The following DENND5A variants were observed in gnomAD, a reference collection of about 807,000 sequenced individuals.
DENND5A encodes the protein DENN domain containing 5A.
A neutral mutation model predicts 140.3 loss-of-function variants in DENND5A; 64 were observed. The observed-to-expected ratio is 0.46, with a 90% CI of 0.37 to 0.56. DENND5A has a LOEUF of 0.56. DENND5A is among the 20% of genes least tolerant of loss of function. The pLI, the probability that DENND5A is intolerant of heterozygous loss-of-function variation, is 0.00. For synonymous variants in DENND5A, 605 were observed against 607.7 expected (o/e 1.00, Z 0.07); for missense variants, 1,292 against 1,593.8 (o/e 0.81, Z 3.22).
At chr11:9,229,569 T>C (rs1269644772) in intron 1 of DENND5A, among the ~76,000 whole-genome samples, 1 of 151,952 alleles carries the variant, frequency 6.6e-6, no homozygotes, top group Non-Finnish European at 1.5e-5. Flanking sequence ...CTAAAAAGTA[T>C]TACCTCCTAC....
At chr11:9,189,318 A>G (rs1302539439) in intron 5 of DENND5A, among the ~76,000 whole-genome samples, 1 of 152,212 alleles carries the variant, frequency 6.6e-6, no homozygotes, top group Non-Finnish European at 1.5e-5. Flanking sequence ...TGTTGCAGGG[A>G]CAGGGCCCTC....
intron 12 of DENND5A, among the ~76,000 whole-genome samples, chr11:9,154,515 T>C (rs1321452209): frequency 1.3e-5 from 2 of 151,752 alleles, no homozygotes; most frequent in East Asian, 3.9e-4. Context: ...TTCACAAACT[T>C]GATCTACTCT....
chr11:9,217,562 A>G (rs1850143155), intron 1 of DENND5A, among the ~76,000 whole-genome samples: 1 of 152,160 alleles, frequency 6.6e-6, no homozygotes, highest in Non-Finnish European at 1.5e-5. Context: ...ACGTATGGAG[A>G]CAGAAAGTAG....
chr11:9,254,848 G>A (rs575970433), intron 1 of DENND5A, among the ~76,000 whole-genome samples: 7 of 152,032 alleles, frequency 4.6e-5, no homozygotes, highest in Admixed American at 2.0e-4. Flanking sequence ...CAAGGAGGGT[G>A]GATCATGAGG....
intron 22 of DENND5A, 59 bp from the exon 23 acceptor site, chr11:9,139,913 C>T (rs1367729899): frequency 1.9e-5 from 29 of 1,540,530 alleles, no homozygotes; most frequent in African/African-American, 2.7e-5. Context: ...GAAGAGAGAG[C>T]GTTAGTGCAA....
Position 9,142,777 on chromosome 11 carries a change from C to G in DENND5A, c.3456G>C (p.Gln1152His). The G allele has an allele frequency of 6.2e-7, 1 of 1,614,208 alleles. No homozygotes were observed. Among genetic ancestry groups the G allele is most frequent in the Non-Finnish European group, 8.5e-7 (1 of 1,180,028 alleles). ...GLVSALEQAFQHGFKSPRLFK... is the reference protein window; with the variant it reads ...GLVSALEQAFHHGFKSPRLFK... ...AGAGCCGGGGCGATTTAAATCCATG[C>G]TGGAAAGCCTGTTCCAAGGCCGAGA... Residue 1152 changes from glutamine (Q) to histidine (H), a missense_variant, in exon 21 of 23, where the codon CAG (glutamine) becomes CAC (histidine). Physicochemically the swap from Gln to His is conservative, Grantham distance 24 (BLOSUM62 0). Around this residue, in one of 4 missense-constraint regions of DENND5A, gnomAD observed 498 missense variants for 689.7 expected, o/e 0.72. Coordinates refer to ENST00000328194, the MANE Select transcript of DENND5A (RefSeq NM_015213.4).
intron 1 of DENND5A, among the ~76,000 whole-genome samples, chr11:9,221,409 T>A (rs1265112444): frequency 6.6e-6 from 1 of 151,796 alleles, no homozygotes; most frequent in Non-Finnish European, 1.5e-5. Context: ...CCAGCCTGGA[T>A]GACAGAGCAA....
At chr11:9,157,317 A>G (rs10769997) in intron 12 of DENND5A, among the ~76,000 whole-genome samples, 70,594 of 152,072 alleles carry the variant, frequency 0.46, 17,632 homozygotes, top group African/African-American at 0.64. Flanking sequence ...CAGCTGAAAG[A>G]TATTTATTTA....
chr11:9,176,998 T>C (rs775143308), intron 8 of DENND5A: 5 of 449,352 alleles, frequency 1.1e-5, no homozygotes, highest in East Asian at 7.0e-5. Context: ...CTAACGCCTA[T>C]AATCCTAGCA....
chr11:9,177,046 A>G lies in DENND5A; in HGVS notation c.1906+1086T>C, dbSNP rs116599769. 2,052 of 397,000 alleles carry G rather than the reference A, an allele frequency of 5.2e-3. 46 individuals are homozygous for G. The highest frequency in any genetic ancestry group is 0.04 in the African/African-American group (1,913 of 47,970). The allele number at this position is 397,000 out of a possible 1,614,324, so 24.6% of individuals were successfully genotyped here. On this transcript the variant is annotated intron_variant, in intron 8 of 22. Coordinates refer to ENST00000328194, the MANE Select transcript of DENND5A (RefSeq NM_015213.4). ...GAGGTGGGAGAACTGCTTGAGCCCA[A>G]GAGTTCGAGGCCAGCCTGGGCAACA...
chr11:9,245,145 C>T (rs1478885035), intron 1 of DENND5A, among the ~76,000 whole-genome samples: 1 of 151,720 alleles, frequency 6.6e-6, no homozygotes, highest in Non-Finnish European at 1.5e-5. Flanking sequence ...ATTAGCTGGG[C>T]ATGGTGGCAC....
At chr11:9,264,293 C>G (rs1166146360) in intron 1 of DENND5A, among the ~76,000 whole-genome samples, 3 of 152,116 alleles carry the variant, frequency 2.0e-5, no homozygotes, top group African/African-American at 7.2e-5. Context: ...TACAATGCTG[C>G]TACCCTTTTA....
At chr11:9,210,609 T>C (rs1057106177) in intron 1 of DENND5A, among the ~76,000 whole-genome samples, 1 of 152,216 alleles carries the variant, frequency 6.6e-6, no homozygotes, top group African/African-American at 2.4e-5. Context: ...AGTGGCACAA[T>C]CACGGCTCAC....
intron 5 of DENND5A, among the ~76,000 whole-genome samples, 154 bp from the exon 6 acceptor site, chr11:9,181,238 C>T (rs1441370182): frequency 6.6e-6 from 1 of 152,136 alleles, no homozygotes. Context: ...AGAAATAAGA[C>T]AGACTTGAGT....
intron 1 of DENND5A, among the ~76,000 whole-genome samples, chr11:9,228,110 C>CAAAAAAAAAAAA (rs548141276): frequency 4.1e-5 from 3 of 72,686 alleles, no homozygotes; most frequent in African/African-American, 1.7e-4. Flanking sequence ...GACTCCATCT[C>CAAAAAAAAAAAA]AAAAAAAAAA....
intron 11 of DENND5A, among the ~76,000 whole-genome samples, chr11:9,164,452 G>A (rs1381268614): frequency 6.6e-6 from 1 of 151,964 alleles, no homozygotes; most frequent in African/African-American, 2.4e-5. Flanking sequence ...ACTTAGAACT[G>A]AAAGTGCAGG....
intron 1 of DENND5A, 135 bp from the exon 2 acceptor site, chr11:9,207,767 T>C: frequency 1.7e-6 from 1 of 584,378 alleles, no homozygotes; most frequent in Non-Finnish European, 3.0e-6. Context: ...TACATAAATT[T>C]ACCTAAAGCA....
At chr11:9,151,363 T>C (rs948318731) in intron 13 of DENND5A, among the ~76,000 whole-genome samples, 1 of 152,232 alleles carries the variant, frequency 6.6e-6, no homozygotes, top group African/African-American at 2.4e-5. Context: ...AATTTTTGGC[T>C]ACAGTTTATT....
intron 1 of DENND5A, among the ~76,000 whole-genome samples, chr11:9,258,710 C>G (rs1852060375): frequency 6.6e-6 from 1 of 152,162 alleles, no homozygotes; most frequent in Admixed American, 6.6e-5. Flanking sequence ...TGCAAAATAT[C>G]ACTCAAGTAG....
Sources: gnomAD v4.1 joint callset for allele counts (sites outside exome capture counted in the v4.1 genomes callset) on GRCh38, gnomAD v4.1.1 for gene constraint, gnomAD v4.1.1 regional missense constraint, MANE v1.5 for transcripts, NCBI Gene and HGNC (gene_info 2026-07-23, HGNC 2026-07-21) for gene names.